LINGO2: variants seen among roughly 807,000 people sequenced by gnomAD.
LINGO2 encodes leucine rich repeat and Ig domain containing 2.
Under a neutral mutation model 30.6 loss-of-function variants are expected in LINGO2, and 14 were observed. The ratio of observed to expected loss-of-function variants is 0.46; its 90% CI spans 0.30 to 0.72. The LOEUF (loss-of-function observed/expected upper bound fraction) is 0.72. LINGO2 is among the 30% of genes least tolerant of loss of function. The pLI, the probability that LINGO2 is intolerant of heterozygous loss-of-function variation, is 0.07. For missense variants in LINGO2, 729 were observed against 751.7 expected (o/e 0.97, Z 0.35); for synonymous variants, 317 against 288.5 (o/e 1.10, Z -1.00).
intron 1 of LINGO2, among the ~76,000 whole-genome samples, chr9:28,549,124 A>G (rs1015711734): frequency 3.4e-4 from 51 of 152,204 alleles, no homozygotes; most frequent in African/African-American, 1.2e-3. Flanking sequence ...TTCTCTCTAC[A>G]GGTTAACTAT....
intron 5 of LINGO2, among the ~76,000 whole-genome samples, chr9:27,953,271 CT>C (rs895595916): frequency 5.3e-5 from 8 of 151,980 alleles, no homozygotes; most frequent in Admixed American, 3.3e-4. Flanking sequence ...ATTCTTTTGA[CT>C]TTTTTTCCTA....
the LINGO2 span, among the ~76,000 whole-genome samples, chr9:28,805,176 A>G: frequency 1.3e-5 from 2 of 152,182 alleles, no homozygotes; most frequent in African/African-American, 4.8e-5. Context: ...ATTTGCCATT[A>G]CAATATTTTT....
chr9:28,466,648 C>T (rs375438565), intron 2 of LINGO2, among the ~76,000 whole-genome samples: 67 of 152,042 alleles, frequency 4.4e-4, no homozygotes, highest in South Asian at 4.4e-3. Flanking sequence ...GATAGATACC[C>T]CATTTACTCT....
At chr9:28,341,543 GA>G in intron 3 of LINGO2, among the ~76,000 whole-genome samples, 1 of 152,138 alleles carries the variant, frequency 6.6e-6, no homozygotes, top group African/African-American at 2.4e-5. Flanking sequence ...AAGCACATGG[GA>G]AAAAATATGG....
At chr9:28,025,147 C>T (rs908149452) in intron 4 of LINGO2, among the ~76,000 whole-genome samples, 3 of 152,170 alleles carry the variant, frequency 2.0e-5, no homozygotes, top group African/African-American at 7.2e-5. Flanking sequence ...CAGGTCACTG[C>T]TTGCTCCTAC....
intron 4 of LINGO2, among the ~76,000 whole-genome samples, chr9:28,041,760 T>G (rs1283995333): frequency 1.3e-5 from 2 of 152,202 alleles, no homozygotes; most frequent in Non-Finnish European, 2.9e-5. Flanking sequence ...TATTATAATT[T>G]ACATATATTT....
intron 4 of LINGO2, among the ~76,000 whole-genome samples, chr9:28,292,098 A>C (rs1273381635): frequency 6.6e-6 from 1 of 152,206 alleles, no homozygotes; most frequent in Non-Finnish European, 1.5e-5. Flanking sequence ...AATGAAGCCA[A>C]GTGAGTTATC....
At chr9:28,072,731 T>C (rs1468217337) in intron 4 of LINGO2, among the ~76,000 whole-genome samples, 2 of 152,084 alleles carry the variant, frequency 1.3e-5, no homozygotes, top group African/African-American at 4.8e-5. Flanking sequence ...CCTTCTCCAG[T>C]GTAAAATACC....
chr9:28,184,950 C>CAA (rs1564025514), intron 4 of LINGO2, among the ~76,000 whole-genome samples: 19 of 151,944 alleles, frequency 1.3e-4, no homozygotes, highest in African/African-American at 4.6e-4. Flanking sequence ...AAACAAAACA[C>CAA]AACAAAACAA....
At chr9:28,242,669 T>G (rs926058434) in intron 4 of LINGO2, among the ~76,000 whole-genome samples, 1 of 151,950 alleles carries the variant, frequency 6.6e-6, no homozygotes, top group African/African-American at 2.4e-5. Context: ...AGACACATAA[T>G]GATCAGATTC....
intron 5 of LINGO2, among the ~76,000 whole-genome samples, chr9:27,978,298 G>T (rs868438403): frequency 2.0e-5 from 3 of 152,036 alleles, no homozygotes; most frequent in Non-Finnish European, 1.5e-5. Context: ...GGCTGAAAAT[G>T]GATCAAACAG....
chr9:29,027,888 A>G, the LINGO2 span, among the ~76,000 whole-genome samples: 2 of 152,176 alleles, frequency 1.3e-5, no homozygotes, highest in Non-Finnish European at 2.9e-5. Flanking sequence ...TACACAAAGC[A>G]TTGTGTATAA....
chr9:28,363,285 C>T (rs766743691), intron 3 of LINGO2, among the ~76,000 whole-genome samples: 20 of 152,164 alleles, frequency 1.3e-4, no homozygotes, highest in Admixed American at 1.0e-3. Flanking sequence ...GACATATACA[C>T]ATTAGTCCTA....
At chr9:28,904,543 C>T in the LINGO2 span, among the ~76,000 whole-genome samples, 7 of 151,864 alleles carry the variant, frequency 4.6e-5, no homozygotes, top group African/African-American at 1.7e-4. Flanking sequence ...AAAATCTGTA[C>T]TGTTTTTATA....
At chr9:28,331,032 A>C (rs1825400601) in intron 3 of LINGO2, among the ~76,000 whole-genome samples, 1 of 152,056 alleles carries the variant, frequency 6.6e-6, no homozygotes, top group Non-Finnish European at 1.5e-5. Context: ...TGAAGTTGAC[A>C]TTGTTTTAAA....
At chr9:28,094,896 C>G (rs917157931) in intron 4 of LINGO2, among the ~76,000 whole-genome samples, 1 of 152,064 alleles carries the variant, frequency 6.6e-6, no homozygotes, top group Non-Finnish European at 1.5e-5. Flanking sequence ...GCATAATGCA[C>G]TCTACATGGC....
At chr9:28,244,913 C>T (rs758909979) in intron 4 of LINGO2, among the ~76,000 whole-genome samples, 5 of 151,774 alleles carry the variant, frequency 3.3e-5, no homozygotes, top group South Asian at 2.1e-4. Context: ...AGAAATTATT[C>T]GAAATAATTG....
chr9:28,033,264 C>T (rs912770586), intron 4 of LINGO2, among the ~76,000 whole-genome samples: 4 of 152,116 alleles, frequency 2.6e-5, no homozygotes, highest in Admixed American at 2.6e-4. Flanking sequence ...GTCTTCAGAA[C>T]TATACATGTT....
At chr9:28,756,704 T>C in the LINGO2 span, among the ~76,000 whole-genome samples, 8 of 151,886 alleles carry the variant, frequency 5.3e-5, no homozygotes, top group African/African-American at 1.7e-4. Flanking sequence ...TGAGTTCTCA[T>C]GGTTCTGATG....
Sources: allele counts gnomAD v4.1 joint callset (sites outside exome capture counted in the v4.1 genomes callset), GRCh38; gene constraint gnomAD v4.1.1; transcripts MANE v1.5; gene names NCBI Gene and HGNC (gene_info 2026-07-23, HGNC 2026-07-21).